TLR4: variants seen among roughly 807,000 people sequenced by gnomAD.
The protein encoded by TLR4 is toll-like receptor 4.
A neutral mutation model predicts 27.4 loss-of-function variants in TLR4; 17 were observed. The ratio of observed to expected loss-of-function variants is 0.62; its 90% confidence interval spans 0.42 to 0.93. TLR4 has a LOEUF of 0.93. TLR4 is among the 40% of genes least tolerant of loss of function. The pLI, the probability that TLR4 is intolerant of heterozygous loss-of-function variation, is 0.00. For missense variants in TLR4, 926 were observed against 962.3 expected (o/e 0.96, Z 0.50); for synonymous variants, 363 against 365.7 (o/e 0.99, Z 0.08).
In TLR4 at chr9:117,723,036, G is replaced by A. The variant is rs1323615622; in HGVS notation, c.*8388G>A. 6.6e-6 allele frequency: 1 copy of A among 152,182 alleles called. No homozygotes were observed. Among genetic ancestry groups the A allele is most frequent in the Admixed American group, 6.5e-5 (1 of 15,278 alleles). The allele number at this position is 152,182 out of a possible 1,614,324, so 9.4% of individuals were successfully genotyped here. ...GAAGGTGTCACAAGAAAGATTGGCA[G>A]TCAGAAAGGAATGAACCAAACGGCT... On this transcript the variant is annotated 3_prime_UTR_variant, in exon 3 of 3. Coordinates refer to ENST00000355622, the MANE Select transcript of TLR4 (RefSeq NM_138554.5).
In TLR4 at chr9:117,708,300, C is replaced by T. The variant is rs1829170219; in HGVS notation, c.94-263C>T. The T allele has an allele frequency of 6.4e-6, 8 of 1,250,882 alleles. No individual in the cohort carries two copies. The South Asian group carries it at 1.4e-4, about 22-fold the overall frequency. The allele number at this position is 1,250,882 out of a possible 1,614,324, so 77.5% of individuals were successfully genotyped here. The stretch of plus-strand genomic sequence containing the variant: ...CGATTCCATTGCTTCTTGCTAAATG[C>T]TGCCGTTTTATCACGGAGGTTAGAA... On this transcript the variant is annotated intron_variant, in intron 1 of 2. Coordinates refer to ENST00000355622, the MANE Select transcript of TLR4 (RefSeq NM_138554.5).
rs902508150 is a variant in TLR4, at chr9:117,718,152, A to G, written c.*3504A>G. On this transcript the variant is annotated 3_prime_UTR_variant, in exon 3 of 3. Transcript: ENST00000355622. ...TTGATGGGAAAGCTGAAGTTCAATGAAGTAAATTTTTCAATAGCCCACAGA... is the reference window on the plus strand; with the variant it reads ...TTGATGGGAAAGCTGAAGTTCAATGGAGTAAATTTTTCAATAGCCCACAGA... The G allele has an allele frequency of 1.3e-5, 2 of 152,118 alleles. No homozygotes were observed. The highest frequency in any genetic ancestry group is 4.8e-5 in the African/African-American group (2 of 41,432). 9.4% of individuals were successfully genotyped at this position (152,118 alleles called of 1,614,324 possible).
chr9:117,724,661 A>T lies in TLR4; in HGVS notation c.*10013A>T, dbSNP rs1419759169. 1 of 152,040 alleles carries T rather than the reference A, an allele frequency of 6.6e-6. No individual in the cohort carries two copies. The highest frequency in any genetic ancestry group is 2.4e-5 in the African/African-American group (1 of 41,366). 9.4% of individuals were successfully genotyped at this position (152,040 alleles called of 1,614,324 possible). ...TTGTTTGTCTCGGCTTAAAATGGGG[A>T]TAATATCTACCTCTCAGTTTTGTTG... On this transcript the variant is annotated 3_prime_UTR_variant, in exon 3 of 3. Transcript: ENST00000355622.
rs926110562 is a variant in TLR4, at chr9:117,720,619, G to A, written c.*5971G>A. On this transcript the variant is annotated 3_prime_UTR_variant, in exon 3 of 3. Transcript: ENST00000355622. ...GTGTTTTGTTGAAAATTAAACTCAC[G>A]TTTAGGAGAAAGGATTGTGTTGTAT... The A allele has an allele frequency of 6.6e-6, 1 of 152,204 alleles. No homozygotes were observed. Among genetic ancestry groups the A allele is most frequent in the Non-Finnish European group, 1.5e-5 (1 of 68,034 alleles). The allele number at this position is 152,204 out of a possible 1,614,324, so 9.4% of individuals were successfully genotyped here.
Position 117,720,940 on chromosome 9 carries a change from T to C in TLR4, c.*6292T>C, listed in dbSNP as rs1829415956. 1 of 152,106 alleles carries C rather than the reference T, an allele frequency of 6.6e-6. No homozygotes were observed. Among genetic ancestry groups the C allele is most frequent in the Admixed American group, 6.5e-5 (1 of 15,270 alleles). 9.4% of individuals were successfully genotyped at this position (152,106 alleles called of 1,614,324 possible). On this transcript the variant is annotated 3_prime_UTR_variant, in exon 3 of 3. Coordinates refer to ENST00000355622, the MANE Select transcript of TLR4 (RefSeq NM_138554.5). ...CTCCTCAGAAAGGAATAAACACTCT[T>C]TCTATTTGTGGGATTCCCTAGGAGA...
chr9:117,711,655 C>T (rs561760033), intron 2 of TLR4, among the ~76,000 whole-genome samples: 3 of 152,098 alleles, frequency 2.0e-5, no homozygotes, highest in African/African-American at 7.2e-5. Flanking sequence ...TTGCTGTTCA[C>T]TTCACCTCCT....
intron 1 of TLR4, among the ~76,000 whole-genome samples, chr9:117,706,476 C>T (rs1829138153): frequency 6.6e-6 from 1 of 152,166 alleles, no homozygotes; most frequent in South Asian, 2.1e-4. Context: ...GTGGCCAGCA[C>T]ACAGTAGCCG....
rs1352879504 is a variant in TLR4 at position 117,714,006 on chromosome 9, C to G, written c.1878C>G (p.Thr626=). The G allele has an allele frequency of 6.2e-7, 1 of 1,613,968 alleles. No individual in the cohort carries two copies. The highest frequency in any genetic ancestry group is 1.1e-5 in the South Asian group (1 of 91,082). ...TGCCTGTGCTGAGTTTGAATATCAC[C>G]TGTCAGATGAATAAGACCATCATTG... is the stretch of plus-strand genomic sequence containing the variant. ...QGMPVLSLNI[T]CQMNKTIIGV... Residue 626 remains threonine (T), a synonymous_variant, in exon 3 of 3, where the codon ACC becomes ACG. Coordinates refer to ENST00000355622, the MANE Select transcript of TLR4 (RefSeq NM_138554.5).
At position 117,713,653 on chromosome 9, in the gene TLR4, G is replaced by T; in HGVS notation, c.1525G>T (p.Glu509Ter). Residue 509 changes from glutamate to a stop codon, truncating the protein, a stop_gained, in exon 3 of 3, where the codon GAG becomes TAG. Coordinates refer to ENST00000355622, the MANE Select transcript of TLR4 (RefSeq NM_138554.5). LOFTEE classifies it low-confidence loss of function (END_TRUNC). ...CCTGGACCTCTCTCAGTGTCAACTGGAGCAGTTGTCTCCAACAGCATTTAA... is the reference window on the plus strand; with the variant it reads ...CCTGGACCTCTCTCAGTGTCAACTGTAGCAGTTGTCTCCAACAGCATTTAA... ...TFLDLSQCQL[E>*]QLSPTAFNSL... The T allele has an allele frequency of 6.2e-7, 1 of 1,613,986 alleles. No homozygotes were observed.
rs112840323 is a variant in TLR4, at chr9:117,704,533, G to T, written c.61G>T (p.Val21Leu). The change falls in exon 1 of 3, where the codon GTG (valine) becomes TTG (leucine). Residue 21 changes from valine to leucine, a missense_variant. Physicochemically the swap from Val to Leu is conservative, Grantham distance 32. Coordinates refer to ENST00000355622, the MANE Select transcript of TLR4 (RefSeq NM_138554.5). ...CCCAGCCATGGCCTTCCTCTCCTGC[G>T]TGAGACCAGAAAGCTGGGAGCCCTG... ...LIPAMAFLSCVRPESWEPCVE... is the reference protein window; with the variant it reads ...LIPAMAFLSCLRPESWEPCVE... 3 of 1,613,908 alleles carry T rather than the reference G, an allele frequency of 1.9e-6. No homozygotes were observed. Among genetic ancestry groups the T allele is most frequent in the Non-Finnish European group, 2.5e-6 (3 of 1,179,966 alleles).
intron 2 of TLR4, among the ~76,000 whole-genome samples, chr9:117,710,198 T>C (rs1388115665): frequency 6.6e-6 from 1 of 152,070 alleles, no homozygotes; most frequent in Non-Finnish European, 1.5e-5. Context: ...AGTTAGTTTT[T>C]CAACCCTTGC....
Position 117,714,675 on chromosome 9 carries a change from C to T in TLR4, c.*27C>T, listed in dbSNP as rs1829311897. 1.3e-6 allele frequency: 2 copies of T among 1,597,726 alleles called. No individual in the cohort carries two copies. The highest frequency in any genetic ancestry group is 8.6e-7 in the Non-Finnish European group (1 of 1,168,598). ...GAGGAAAAATAAAAACCTCCTGAGG[C>T]ATTTCTTGCCCAGCTGGGTCCAACA... On this transcript the variant is annotated 3_prime_UTR_variant, in exon 3 of 3. Coordinates refer to ENST00000355622, the MANE Select transcript of TLR4 (RefSeq NM_138554.5).
Position 117,712,378 on chromosome 9 carries a change from T to C in TLR4, c.261-11T>C. On this transcript the variant is annotated splice_polypyrimidine_tract_variant and intron_variant, in intron 2 of 2. Transcript: ENST00000355622. Reference sequence around the variant, plus strand: ...AAATATTAGATAATCAATGTCTTTTTATTCCTGTAGGTGTGAAATCCAGAC... The same window carrying C: ...AAATATTAGATAATCAATGTCTTTTCATTCCTGTAGGTGTGAAATCCAGAC... 6.2e-7 allele frequency: 1 copy of C among 1,611,192 alleles called. No individual in the cohort carries two copies. The highest frequency in any genetic ancestry group is 8.5e-7 in the Non-Finnish European group (1 of 1,177,840).
rs1829373965 is a variant in TLR4, at chr9:117,717,623, T to G, written c.*2975T>G. The G allele has an allele frequency of 6.6e-6, 1 of 152,186 alleles. No individual in the cohort carries two copies. Among genetic ancestry groups the G allele is most frequent in the South Asian group, 2.1e-4 (1 of 4,836 alleles). The allele number at this position is 152,186 out of a possible 1,614,324, so 9.4% of individuals were successfully genotyped here. On this transcript the variant is annotated 3_prime_UTR_variant, in exon 3 of 3. Transcript: ENST00000355622. ...ATCTACAGATGTATGCCTCAGTTTC[T>G]TAGTATGCTTGAAAATGTATGATTT...
chr9:117,715,307 CTT>C lies in TLR4; in HGVS notation c.*660_*661del, dbSNP rs1201856905. ...ATATCCAGTTTTCATTTTTTTACGT[CTT>C]GCCTATAAGCTAATATCATAAATAA... On this transcript the variant is annotated 3_prime_UTR_variant, in exon 3 of 3. Coordinates refer to ENST00000355622, the MANE Select transcript of TLR4 (RefSeq NM_138554.5). 1 of 152,508 alleles carries C rather than the reference CTT, an allele frequency of 6.6e-6. No individual in the cohort carries two copies. The highest frequency in any genetic ancestry group is 1.5e-5 in the Non-Finnish European group (1 of 68,362). 9.4% of individuals were successfully genotyped at this position (152,508 alleles called of 1,614,324 possible).
chr9:117,714,337 G>T lies in TLR4; in HGVS notation c.2209G>T (p.Val737Leu). 1.3e-6 allele frequency: 2 copies of T among 1,599,456 alleles called. No homozygotes were observed. Among genetic ancestry groups the T allele is most frequent in the Non-Finnish European group, 1.7e-6 (2 of 1,168,284 alleles). The part of the protein sequence containing the change: ...FHKSRKVIVV[V>L]SQHFIQSRWC... ...TAAAAGCCGAAAGGTGATTGTTGTG[G>T]TGTCCCAGCACTTCATCCAGAGCCG... The change falls in exon 3 of 3, where the codon GTG becomes TTG. Residue 737 changes from valine to leucine, a missense_variant. Physicochemically the swap from Val to Leu is conservative, Grantham distance 32. Transcript: ENST00000355622.
In TLR4 at chr9:117,720,315, G is replaced by A. The variant is rs951992638; in HGVS notation, c.*5667G>A. On this transcript the variant is annotated 3_prime_UTR_variant, in exon 3 of 3. Coordinates refer to ENST00000355622, the MANE Select transcript of TLR4 (RefSeq NM_138554.5). ...CCAGGGGTGGTTAGTGGAGTGAATGGAGAATAATTTAGACAAGGTCAGTAA... is the reference window on the plus strand; with the variant it reads ...CCAGGGGTGGTTAGTGGAGTGAATGAAGAATAATTTAGACAAGGTCAGTAA... The A allele has an allele frequency of 1.3e-5, 2 of 152,062 alleles. No homozygotes were observed. The highest frequency in any genetic ancestry group is 2.9e-5 in the Non-Finnish European group (2 of 68,004). 9.4% of individuals were successfully genotyped at this position (152,062 alleles called of 1,614,324 possible). A position where few individuals can be genotyped will look rare whatever the true frequency, so the allele number is the denominator to read the frequency against.
chr9:117,712,139 C>T (rs1588094014), intron 2 of TLR4, among the ~76,000 whole-genome samples: 1 of 152,150 alleles, frequency 6.6e-6, no homozygotes, highest in East Asian at 1.9e-4. Flanking sequence ...GGATTTTCTC[C>T]TCTGCTTATC....
rs1440180571 is a variant in TLR4, at chr9:117,714,429, C to T, written c.2301C>T (p.Ile767=). 4 of 1,613,746 alleles carry T rather than the reference C, an allele frequency of 2.5e-6. No individual in the cohort carries two copies. In the African/African-American group the frequency reaches 5.3e-5, roughly 22 times the overall value. The change falls in exon 3 of 3, where the codon ATC becomes ATT. Residue 767 remains isoleucine (I), a synonymous_variant. Transcript: ENST00000355622. ...WQFLSSRAGI[I]FIVLQKVEKT... The stretch of plus-strand genomic sequence containing the variant: ...TTCTGAGCAGTCGTGCTGGTATCAT[C>T]TTCATTGTCCTGCAGAAGGTGGAGA...
Sources: gnomAD v4.1 joint callset for allele counts (sites outside exome capture counted in the v4.1 genomes callset) on GRCh38, gnomAD v4.1.1 for gene constraint, MANE v1.5 for transcripts, NCBI Gene and HGNC (gene_info 2026-07-23, HGNC 2026-07-21) for gene names.